The following GMDS variants were observed in gnomAD, a reference collection of about 807,000 sequenced individuals.
GMDS encodes the protein GDP-mannose 4,6-dehydratase.
In GMDS, 20 loss-of-function variants were observed where a neutral mutation model predicts 49.9. The ratio of observed to expected loss-of-function variants is 0.40; its 90% confidence interval spans 0.28 to 0.58. The LOEUF (loss-of-function observed/expected upper bound fraction) is 0.58. Among genes scored for constraint, GMDS ranks in the 20% least tolerant of loss-of-function variants. The pLI, the probability that GMDS is intolerant of heterozygous loss-of-function variation, is 0.42. For synonymous variants in GMDS, 177 were observed against 178.6 expected (o/e 0.99, Z 0.07); for missense variants, 362 against 481.4 (o/e 0.75, Z 2.32).
At chr6:2,016,203 G>A (rs1484446661) in intron 4 of GMDS, among the ~76,000 whole-genome samples, 21 of 151,132 alleles carry the variant, frequency 1.4e-4, no homozygotes, top group African/African-American at 5.1e-4. Flanking sequence ...AGGCTGCAGT[G>A]AGCTGTGATT....
Position 1,905,325 on chromosome 6 carries a change from G to T in GMDS, c.771+24778C>A, listed in dbSNP as rs1172410155. ...AGCACATAGCTGTGGGTGCTGGCGT[G>T]TAGGTGGGACCTCAAAGGTGCCTGT... On this transcript the variant is annotated intron_variant, in intron 7 of 10. Coordinates refer to ENST00000380815, the MANE Select transcript of GMDS (RefSeq NM_001500.4). 2.0e-5 allele frequency among the ~76,000 whole-genome samples: 3 copies of T among 152,020 alleles called. No homozygotes were observed. The South Asian group carries it at 6.2e-4, about 32-fold the overall frequency.
chr6:1,973,008 C>G (rs1165127224), intron 4 of GMDS, among the ~76,000 whole-genome samples: 3 of 152,146 alleles, frequency 2.0e-5, no homozygotes, highest in African/African-American at 7.2e-5. Context: ...CCCTGTAAAT[C>G]AAGTGGTAGT....
chr6:2,010,843 C>A (rs1214067745), intron 4 of GMDS, among the ~76,000 whole-genome samples: 1 of 151,862 alleles, frequency 6.6e-6, no homozygotes, highest in Non-Finnish European at 1.5e-5. Context: ...AACAATAGAA[C>A]AAAGACCAAA....
intron 8 of GMDS, among the ~76,000 whole-genome samples, chr6:1,739,919 C>T (rs1165749847): frequency 6.6e-6 from 1 of 152,208 alleles, no homozygotes; most frequent in Non-Finnish European, 1.5e-5. Flanking sequence ...TAATATAGTA[C>T]TAAACAGTTT....
At chr6:1,874,428 A>G (rs912614398) in intron 7 of GMDS, among the ~76,000 whole-genome samples, 2 of 152,206 alleles carry the variant, frequency 1.3e-5, no homozygotes, top group Non-Finnish European at 2.9e-5. Context: ...TCTCAATTAT[A>G]TTATTTTGAA....
At chr6:2,184,127 C>CAATAT (rs1778674259) in intron 1 of GMDS, among the ~76,000 whole-genome samples, 1 of 152,146 alleles carries the variant, frequency 6.6e-6, no homozygotes, top group Non-Finnish European at 1.5e-5. Context: ...CAGAGGTATG[C>CAATAT]CTGTATCATA....
chr6:1,644,226 C>G (rs1763420268), intron 9 of GMDS, among the ~76,000 whole-genome samples: 1 of 152,170 alleles, frequency 6.6e-6, no homozygotes, highest in Non-Finnish European at 1.5e-5. Context: ...CCAGGGGAGA[C>G]CCCTGATTCC....
At chr6:1,958,052 G>A (rs2325721) in intron 6 of GMDS, among the ~76,000 whole-genome samples, 3 of 150,944 alleles carry the variant, frequency 2.0e-5, no homozygotes, top group Non-Finnish European at 4.4e-5. Context: ...GTGATCCCCC[G>A]AACTTAGCTT....
intron 1 of GMDS, among the ~76,000 whole-genome samples, chr6:2,186,402 ATTCC>A (rs1778781946): frequency 6.6e-6 from 1 of 152,220 alleles, no homozygotes; most frequent in African/African-American, 2.4e-5. Context: ...AACTTAGCTG[ATTCC>A]CAAAATAAGG....
At chr6:1,631,413 G>A (rs1176698829) in intron 9 of GMDS, among the ~76,000 whole-genome samples, 1 of 152,042 alleles carries the variant, frequency 6.6e-6, no homozygotes, top group African/African-American at 2.4e-5. Context: ...AGGGGATCCT[G>A]AATTGCATAA....
chr6:2,065,103 G>GGGTCCCT (rs1442439642), intron 4 of GMDS, among the ~76,000 whole-genome samples: 1 of 152,068 alleles, frequency 6.6e-6, no homozygotes, highest in Non-Finnish European at 1.5e-5. Flanking sequence ...CTCCTCAAGT[G>GGGTCCCT]GATCCCTGAC....
chr6:2,048,627 A>C (rs910054997), intron 4 of GMDS, among the ~76,000 whole-genome samples: 3 of 152,206 alleles, frequency 2.0e-5, no homozygotes, highest in Admixed American at 1.3e-4. Flanking sequence ...GGGGAGCTAC[A>C]TATTAGTGAT....
chr6:2,006,841 G>C (rs1203728738), intron 4 of GMDS, among the ~76,000 whole-genome samples: 1 of 152,052 alleles, frequency 6.6e-6, no homozygotes, highest in South Asian at 2.1e-4. Flanking sequence ...TGCAAACACA[G>C]TGTTCAAAGC....
intron 7 of GMDS, among the ~76,000 whole-genome samples, chr6:1,901,381 C>T (rs1038854993): frequency 1.7e-4 from 26 of 152,112 alleles, no homozygotes; most frequent in African/African-American, 5.1e-4. Flanking sequence ...TTGATCAAAA[C>T]TACATTAGGT....
chr6:2,054,614 T>C (rs1233279308), intron 4 of GMDS, among the ~76,000 whole-genome samples: 1 of 152,102 alleles, frequency 6.6e-6, no homozygotes, highest in Non-Finnish European at 1.5e-5. Flanking sequence ...GATGCATAAA[T>C]TCTGTGTATA....
chr6:2,112,203 T>C (rs1176526192), intron 4 of GMDS, among the ~76,000 whole-genome samples: 1 of 152,246 alleles, frequency 6.6e-6, no homozygotes, highest in Admixed American at 6.5e-5. Context: ...GGTTTCTGAA[T>C]ATCAAGAACT....
At chr6:1,944,051 T>C (rs1762942893) in intron 6 of GMDS, among the ~76,000 whole-genome samples, 1 of 152,232 alleles carries the variant, frequency 6.6e-6, no homozygotes, top group African/African-American at 2.4e-5. Context: ...ATGTTTGGGC[T>C]TTACTTCAGA....
At chr6:1,835,309 G>T (rs1756874516) in intron 7 of GMDS, among the ~76,000 whole-genome samples, 1 of 152,162 alleles carries the variant, frequency 6.6e-6, no homozygotes, top group Non-Finnish European at 1.5e-5. Flanking sequence ...GGAACTCAGG[G>T]CAGCATTCTA....
intron 9 of GMDS, among the ~76,000 whole-genome samples, chr6:1,631,627 T>G (rs555636284): frequency 1.5e-4 from 23 of 152,164 alleles, no homozygotes; most frequent in African/African-American, 5.5e-4. Context: ...ACACCTCACT[T>G]CAATAATCCT....
Sources: gnomAD v4.1 joint callset for allele counts (sites outside exome capture counted in the v4.1 genomes callset) on GRCh38, gnomAD v4.1.1 for gene constraint, MANE v1.5 for transcripts, NCBI Gene and HGNC (gene_info 2026-07-23, HGNC 2026-07-21) for gene names.